The following ZSCAN23 variants were observed in gnomAD, a reference collection of about 807,000 sequenced individuals.
ZSCAN23 encodes the protein zinc finger and SCAN domain-containing protein 23.
A neutral mutation model predicts 19.3 loss-of-function variants in ZSCAN23; 19 were observed. The observed-to-expected ratio is 0.99, with a 90% CI of 0.69 to 1.45. The LOEUF (loss-of-function observed/expected upper bound fraction) is 1.45, where lower values mean the gene tolerates loss of function less well. Ranked by LOEUF, ZSCAN23 falls within the 40% of genes most tolerant of loss-of-function variation. The pLI, the probability that ZSCAN23 is intolerant of heterozygous loss-of-function variation, is 0.00. For missense variants in ZSCAN23, 372 were observed against 462.5 expected (o/e 0.80, Z 1.79); for synonymous variants, 140 against 166.2 (o/e 0.84, Z 1.21).
In ZSCAN23 at chr6:28,434,367, G is replaced by A; in HGVS notation, c.*98C>T. ...ATATTATGCTTCTCTCTGCATAAAA[G>A]TAAGGGAATTTTTACTGGCTTTCCC... On this transcript the variant is annotated 3_prime_UTR_variant, in exon 4 of 4. Transcript: ENST00000289788. The A allele has an allele frequency of 7.3e-7, 1 of 1,363,674 alleles. No homozygotes were observed. The highest frequency in any genetic ancestry group is 9.8e-7 in the Non-Finnish European group (1 of 1,023,838). The allele number at this position is 1,363,674 out of a possible 1,614,324, so 84.5% of individuals were successfully genotyped here.
At chr6:28,425,796 C>T in the ZSCAN23 span, among the ~76,000 whole-genome samples, 1 of 152,194 alleles carries the variant, frequency 6.6e-6, no homozygotes, top group Non-Finnish European at 1.5e-5. Context: ...TAAAGTGTTT[C>T]ATCTACATTA....
downstream of ZSCAN23, among the ~76,000 whole-genome samples, chr6:28,431,555 A>C (rs1345238560): frequency 6.6e-6 from 1 of 152,206 alleles, no homozygotes; most frequent in Non-Finnish European, 1.5e-5. Flanking sequence ...ACTTCAAACC[A>C]ACAACCCAGG....
At chr6:28,435,636 C>T in intron 2 of ZSCAN23, 29 bp from the exon 3 acceptor site, 1 of 1,540,372 alleles carries the variant, frequency 6.5e-7, no homozygotes, top group Non-Finnish European at 8.8e-7. Flanking sequence ...AGTTGGGAAC[C>T]CAATATCAGA....
intron 3 of ZSCAN23, 91 bp downstream of exon 3, chr6:28,435,369 G>T: frequency 1.4e-6 from 2 of 1,455,132 alleles, no homozygotes; most frequent in Non-Finnish European, 1.8e-6. Context: ...CTGGCACAGT[G>T]CCTGGCATAC....
At chr6:28,425,129 A>G in the ZSCAN23 span, among the ~76,000 whole-genome samples, 1 of 152,238 alleles carries the variant, frequency 6.6e-6, no homozygotes, top group Non-Finnish European at 1.5e-5. Context: ...CATCTCCCTC[A>G]GAGCTCTTCA....
intron 1 of ZSCAN23, among the ~76,000 whole-genome samples, chr6:28,441,043 A>G (rs769043234): frequency 1.2e-4 from 19 of 152,206 alleles, no homozygotes; most frequent in African/African-American, 1.7e-4. Context: ...AATTAGCATA[A>G]TAAGTCTTAC....
At chr6:28,421,446 C>T in the ZSCAN23 span, among the ~76,000 whole-genome samples, 132 of 152,146 alleles carry the variant, frequency 8.7e-4, no homozygotes, top group African/African-American at 3.1e-3. Flanking sequence ...AAGAAGGATG[C>T]AATTAGAATG....
chr6:28,439,732 C>G (rs1464428953), intron 1 of ZSCAN23, among the ~76,000 whole-genome samples: 27 of 152,142 alleles, frequency 1.8e-4, no homozygotes, highest in Admixed American at 1.8e-3. Context: ...GCTATTATTA[C>G]CCCCATATCA....
chr6:28,423,748 T>C, the ZSCAN23 span, among the ~76,000 whole-genome samples: 2 of 152,210 alleles, frequency 1.3e-5, no homozygotes, highest in South Asian at 4.1e-4. Context: ...ACTGGCTCAC[T>C]GCAGCAGTGC....
intron 1 of ZSCAN23, among the ~76,000 whole-genome samples, chr6:28,438,777 G>A (rs187080195): frequency 3.7e-4 from 57 of 152,304 alleles, no homozygotes; most frequent in Admixed American, 5.9e-4. Context: ...TGGGGATTAT[G>A]AGAAATTGGG....
At position 28,435,714 on chromosome 6, in the gene ZSCAN23, A is replaced by G. The variant is rs112150889; in HGVS notation, c.409-107T>C. The G allele has an allele frequency of 1.5e-5, 21 of 1,440,012 alleles. 1 individual carries two copies. Among genetic ancestry groups the G allele is most frequent in the African/African-American group, 1.3e-4 (9 of 69,406 alleles). The allele number at this position is 1,440,012 out of a possible 1,614,324, so 89.2% of individuals were successfully genotyped here. A position where few individuals can be genotyped will look rare whatever the true frequency, so the allele number is the denominator to read the frequency against. ...AAGAAGGACCAAGAAGCTGGCAAAGAAAAAACAGAGGCAGAGAGACTAAAA... is the reference window on the plus strand; with the variant it reads ...AAGAAGGACCAAGAAGCTGGCAAAGGAAAAACAGAGGCAGAGAGACTAAAA... On this transcript the variant is annotated intron_variant, in intron 2 of 3. Transcript: ENST00000289788.
chr6:28,435,674 G>T lies in ZSCAN23; in HGVS notation c.409-67C>A. On this transcript the variant is annotated intron_variant, in intron 2 of 3. Transcript: ENST00000289788. ...GAACATGGCAAGGAGGCCTCCTCAG[G>T]GCCGCTGGATAGAAAAGAAGGACCA... The T allele has an allele frequency of 2.7e-6, 4 of 1,485,752 alleles. No homozygotes were observed. The South Asian group carries it at 5.5e-5, about 20-fold the overall frequency. The allele number at this position is 1,485,752 out of a possible 1,614,324, so 92.0% of individuals were successfully genotyped here.
At chr6:28,429,552 G>A (rs1453785596), downstream of ZSCAN23, among the ~76,000 whole-genome samples, 3 of 152,124 alleles carry the variant, frequency 2.0e-5, no homozygotes, top group Non-Finnish European at 4.4e-5. Context: ...GCCAGCTTTT[G>A]GCCATAAGGA....
intron 1 of ZSCAN23, among the ~76,000 whole-genome samples, chr6:28,441,025 A>T (rs1306475719): frequency 6.6e-6 from 1 of 152,196 alleles, no homozygotes; most frequent in Non-Finnish European, 1.5e-5. Context: ...TGTATATGCC[A>T]GGTATATAAT....
intron 3 of ZSCAN23, 40 bp downstream of exon 3, chr6:28,435,420 G>C: frequency 6.5e-7 from 1 of 1,542,038 alleles, no homozygotes; most frequent in Non-Finnish European, 8.8e-7. Flanking sequence ...TAAATATTCA[G>C]GGAATGAGGT....
At chr6:28,428,150 C>T (rs1442153155), downstream of ZSCAN23, among the ~76,000 whole-genome samples, 1 of 152,204 alleles carries the variant, frequency 6.6e-6, no homozygotes, top group African/African-American at 2.4e-5. Flanking sequence ...CAATCTCAAC[C>T]ATTTGATGAC....
downstream of ZSCAN23, chr6:28,432,038 C>T (rs1469735948): frequency 6.6e-6 from 1 of 152,034 alleles, no homozygotes; most frequent in Admixed American, 6.6e-5. Flanking sequence ...TCTCAGGGCT[C>T]CAAGTGTAAG....
chr6:28,429,635 C>G (rs899478703), downstream of ZSCAN23, among the ~76,000 whole-genome samples: 2 of 152,118 alleles, frequency 1.3e-5, no homozygotes, highest in African/African-American at 4.8e-5. Context: ...AGGGGGTGAT[C>G]CATACAGACC....
At position 28,434,821 on chromosome 6, in the gene ZSCAN23, T is replaced by C. The variant is rs555782298; in HGVS notation, c.814A>G (p.Thr272Ala). The C allele has an allele frequency of 8.1e-6, 13 of 1,596,198 alleles. No individual in the cohort carries two copies. In the African/African-American group the frequency reaches 1.7e-4, roughly 21 times the overall value. Reference protein sequence around the residue: ...SILIEHQRTHTGEKPYECDEC... With the variant: ...SILIEHQRTHAGEKPYECDEC... The stretch of plus-strand genomic sequence containing the variant: ...TCACATTCATAAGGCTTCTCACCTG[T>C]GTGTGTTCTCTGGTGCTCGATAAGG... The change falls in exon 4 of 4, where the codon ACA becomes GCA. Residue 272 changes from threonine (T) to alanine (A), a missense_variant. Coordinates refer to ENST00000289788, the MANE Select transcript of ZSCAN23 (RefSeq NM_001012455.2).
Sources: allele counts gnomAD v4.1 joint callset (sites outside exome capture counted in the v4.1 genomes callset), GRCh38; gene constraint gnomAD v4.1.1; transcripts MANE v1.5; gene names NCBI Gene and HGNC (gene_info 2026-07-23, HGNC 2026-07-21).